TMEM117: variants seen among roughly 807,000 people sequenced by gnomAD.
The protein encoded by TMEM117 is transmembrane protein 117.
TMEM117 carries 27 observed loss-of-function variants against 52.4 expected under a neutral mutation model. The ratio of observed to expected loss-of-function variants is 0.51; its 90% CI spans 0.38 to 0.71. The LOEUF (loss-of-function observed/expected upper bound fraction) is 0.71, where lower values mean the gene tolerates loss of function less well. TMEM117 is among the 30% of genes least tolerant of loss of function. TMEM117 has a pLI of 0.00. For missense variants in TMEM117, 556 were observed against 630.5 expected (o/e 0.88, Z 1.26); for synonymous variants, 215 against 206.3 (o/e 1.04, Z -0.36).
chr12:44,343,929 T>G (rs1951450112), intron 6 of TMEM117, among the ~76,000 whole-genome samples: 1 of 151,976 alleles, frequency 6.6e-6, no homozygotes, highest in Non-Finnish European at 1.5e-5. Context: ...GACCATGATG[T>G]TGAGTTTATG....
chr12:44,077,431 A>G (rs1947399671), intron 3 of TMEM117, among the ~76,000 whole-genome samples: 1 of 152,180 alleles, frequency 6.6e-6, no homozygotes, highest in Non-Finnish European at 1.5e-5. Context: ...GGTCTGATCT[A>G]AATTTATTAC....
At chr12:43,973,625 A>G (rs1482258792) in intron 3 of TMEM117, among the ~76,000 whole-genome samples, 3 of 152,242 alleles carry the variant, frequency 2.0e-5, no homozygotes, top group Non-Finnish European at 4.4e-5. Flanking sequence ...CATTTGGTTG[A>G]AAGTGTGAGA....
chr12:44,151,664 T>C (rs971879938), intron 4 of TMEM117, among the ~76,000 whole-genome samples: 27 of 150,852 alleles, frequency 1.8e-4, no homozygotes, highest in African/African-American at 6.3e-4. Context: ...AATGATATAA[T>C]GAAATGAGAG....
chr12:44,266,706 A>C (rs1312316725), intron 5 of TMEM117, among the ~76,000 whole-genome samples: 1 of 152,160 alleles, frequency 6.6e-6, no homozygotes, highest in Non-Finnish European at 1.5e-5. Context: ...CAAGTTGACA[A>C]AGATTTATTC....
chr12:44,332,377 T>C (rs1194603874), intron 6 of TMEM117, among the ~76,000 whole-genome samples: 5 of 152,078 alleles, frequency 3.3e-5, no homozygotes, highest in Admixed American at 6.6e-5. Flanking sequence ...GTCTTTGGGT[T>C]ATGCCAAATT....
chr12:44,344,461 C>T (rs551178996), intron 6 of TMEM117, among the ~76,000 whole-genome samples: 18 of 152,130 alleles, frequency 1.2e-4, no homozygotes, highest in African/African-American at 3.9e-4. Context: ...TCTGCTAGGC[C>T]TCTCAAATCA....
intron 3 of TMEM117, among the ~76,000 whole-genome samples, chr12:43,985,251 T>A (rs1945828836): frequency 6.6e-6 from 1 of 152,156 alleles, no homozygotes; most frequent in East Asian, 1.9e-4. Flanking sequence ...AAAGTCATTT[T>A]ATTGCAAGAA....
intron 6 of TMEM117, among the ~76,000 whole-genome samples, chr12:44,360,813 T>C (rs1362210943): frequency 6.6e-6 from 1 of 152,140 alleles, no homozygotes; most frequent in Non-Finnish European, 1.5e-5. Flanking sequence ...TCAATAATAT[T>C]CTTGCTGATC....
At chr12:43,928,066 T>C (rs745394644) in intron 2 of TMEM117, among the ~76,000 whole-genome samples, 1 of 151,996 alleles carries the variant, frequency 6.6e-6, no homozygotes, top group African/African-American at 2.4e-5. Flanking sequence ...AGAAATTATG[T>C]ATTAAATATC....
chr12:44,082,297 C>T (rs1312186085), intron 3 of TMEM117, among the ~76,000 whole-genome samples: 1 of 151,874 alleles, frequency 6.6e-6, no homozygotes, highest in Non-Finnish European at 1.5e-5. Context: ...CATTTTTTCT[C>T]TACGAATGTA....
chr12:44,104,460 C>G (rs946935202), intron 3 of TMEM117, among the ~76,000 whole-genome samples: 1 of 151,848 alleles, frequency 6.6e-6, no homozygotes, highest in South Asian at 2.1e-4. Flanking sequence ...ACCATTTGCT[C>G]GCTTGGTGAG....
chr12:44,274,123 A>C (rs1950483241), intron 5 of TMEM117, among the ~76,000 whole-genome samples: 1 of 152,198 alleles, frequency 6.6e-6, no homozygotes, highest in African/African-American at 2.4e-5. Flanking sequence ...GCAGGATATG[A>C]AATCAACATA....
chr12:43,877,089 CTT>C (rs2137440596), intron 2 of TMEM117, among the ~76,000 whole-genome samples: 1 of 152,106 alleles, frequency 6.6e-6, no homozygotes, highest in African/African-American at 2.4e-5. Context: ...CTATTTTCCT[CTT>C]TTATAAACAG....
rs140751522 is a variant in TMEM117 at position 44,206,334 on chromosome 12, C to T, written c.511-4956C>T. Reference sequence around the variant, plus strand: ...GGCCAGGTTTTCCTTGCCGTCATTCCGGTAAACCAACAACCTCCAGCGTGG... The same window carrying T: ...GGCCAGGTTTTCCTTGCCGTCATTCTGGTAAACCAACAACCTCCAGCGTGG... On this transcript the variant is annotated intron_variant, in intron 4 of 7. Coordinates refer to ENST00000266534, the MANE Select transcript of TMEM117 (RefSeq NM_032256.3). 2.4e-3 allele frequency among the ~76,000 whole-genome samples: 372 copies of T among 152,260 alleles called. 12 individuals carry two copies. In the East Asian group the frequency reaches 0.035, roughly 14 times the overall value.
intron 6 of TMEM117, among the ~76,000 whole-genome samples, chr12:44,345,656 A>G (rs1425237705): frequency 1.3e-5 from 2 of 152,152 alleles, no homozygotes; most frequent in African/African-American, 4.8e-5. Flanking sequence ...ACAGACTAAT[A>G]CAAAAATCCG....
In TMEM117 at chr12:44,032,674, G is replaced by A. The variant is rs180767326; in HGVS notation, c.410+88332G>A. ...AAGGACAAGCTTATTAAATGTTTTT[G>A]TAAACACTTACTAATCTTTCATACA... is the stretch of plus-strand genomic sequence containing the variant. On this transcript the variant is annotated intron_variant, in intron 3 of 7. Coordinates refer to ENST00000266534, the MANE Select transcript of TMEM117 (RefSeq NM_032256.3). Among the ~76,000 whole-genome samples the A allele has an allele frequency of 2.7e-3, 415 of 152,254 alleles. 4 individuals are homozygous for A. Among genetic ancestry groups the A allele is most frequent in the African/African-American group, 9.4e-3 (391 of 41,544 alleles).
chr12:44,391,978 C>T (rs1210141671), downstream of TMEM117, among the ~76,000 whole-genome samples: 1 of 152,138 alleles, frequency 6.6e-6, no homozygotes, highest in Non-Finnish European at 1.5e-5. Context: ...ACCCTTGAGA[C>T]AGCAAGAGCA....
rs1006855417 is a variant in TMEM117, at chr12:44,367,461, GTTC to G, written c.769-9126_769-9124del. On this transcript the variant is annotated intron_variant, in intron 6 of 7. Transcript: ENST00000266534. ...GGCTTCTAGGACACCACTTTCTCTTGTTCTTCTTCTATTGCATGCCATTTCTTT... is the reference window on the plus strand; with the variant it reads ...GGCTTCTAGGACACCACTTTCTCTTGTTCTTCTATTGCATGCCATTTCTTT... Among the ~76,000 whole-genome samples the G allele has an allele frequency of 5.3e-5, 8 of 152,104 alleles. 1 individual carries two copies. The highest frequency in any genetic ancestry group is 1.9e-4 in the East Asian group (1 of 5,168).
intron 4 of TMEM117, among the ~76,000 whole-genome samples, chr12:44,147,278 C>T (rs1450409458): frequency 6.6e-6 from 1 of 152,052 alleles, no homozygotes; most frequent in Non-Finnish European, 1.5e-5. Context: ...TTCCAGGTAT[C>T]CACCCGTGCA....
Sources: allele counts gnomAD v4.1 joint callset (sites outside exome capture counted in the v4.1 genomes callset), GRCh38; gene constraint gnomAD v4.1.1; transcripts MANE v1.5; gene names NCBI Gene and HGNC (gene_info 2026-07-23, HGNC 2026-07-21).